Variants in MFHAS1 observed in about 807,000 individuals in gnomAD.
The protein encoded by MFHAS1 is multifunctional ROCO family signaling regulator 1, also known as malignant fibrous histiocytoma-amplified sequence 1.
A neutral mutation model predicts 70.4 loss-of-function variants in MFHAS1; 50 were observed. The ratio of observed to expected loss-of-function variants is 0.71; its 90% CI spans 0.57 to 0.90. The LOEUF (loss-of-function observed/expected upper bound fraction) is 0.90, where lower values mean the gene tolerates loss of function less well. Among genes scored for constraint, MFHAS1 ranks in the 40% least tolerant of loss-of-function variants. The pLI is 0.00. For synonymous variants in MFHAS1, 952 were observed against 620.0 expected (o/e 1.54, Z -7.96); for missense variants, 1,795 against 1,347.6 (o/e 1.33, Z -5.20).
chr8:8,868,218 A>G (rs894555400), intron 1 of MFHAS1, among the ~76,000 whole-genome samples: 8 of 151,994 alleles, frequency 5.3e-5, no homozygotes, highest in Non-Finnish European at 8.8e-5. Context: ...TCTAGAATCA[A>G]TGAATAAATA....
chr8:8,820,708 T>C (rs950949910), intron 1 of MFHAS1, among the ~76,000 whole-genome samples: 6 of 152,346 alleles, frequency 3.9e-5, no homozygotes, highest in Admixed American at 2.0e-4. Flanking sequence ...GCTCCCGCTC[T>C]GAGATTATCT....
At chr8:8,858,888 A>C (rs1357181888) in intron 1 of MFHAS1, among the ~76,000 whole-genome samples, 7 of 152,254 alleles carry the variant, frequency 4.6e-5, no homozygotes, top group African/African-American at 1.4e-4. Flanking sequence ...AAGCATTCTC[A>C]GTCAAAAAAG....
intron 1 of MFHAS1, among the ~76,000 whole-genome samples, chr8:8,861,426 A>T (rs1357352468): frequency 6.6e-6 from 1 of 152,228 alleles, no homozygotes; most frequent in Non-Finnish European, 1.5e-5. Context: ...GAAAATCTGG[A>T]TATATCTCCA....
chr8:8,890,473 T>C lies in MFHAS1; in HGVS notation c.2586A>G (p.Glu862=). 1 of 1,613,958 alleles carries C rather than the reference T, an allele frequency of 6.2e-7. No homozygotes were observed. The highest frequency in any genetic ancestry group is 8.5e-7 in the Non-Finnish European group (1 of 1,180,042). ...CTAGGTTGGTCCCATTAATCCAGGC[T>C]TCTGCATGGGGCACCTCGTTCTGCA... The part of the protein sequence containing the change: ...CYVQNEVPHA[E]AWINGTNLAG... Residue 862 remains glutamate (E), a synonymous_variant, in exon 1 of 3, where the codon GAA becomes GAG. Coordinates refer to ENST00000276282, the MANE Select transcript of MFHAS1 (RefSeq NM_004225.3).
chr8:8,804,499 C>A (rs922632213), intron 1 of MFHAS1, among the ~76,000 whole-genome samples: 1 of 152,216 alleles, frequency 6.6e-6, no homozygotes, highest in Admixed American at 6.5e-5. Context: ...TCACAGAGTA[C>A]AATCGGTAGG....
At chr8:8,807,225 C>T (rs1037963362) in intron 1 of MFHAS1, among the ~76,000 whole-genome samples, 2 of 152,112 alleles carry the variant, frequency 1.3e-5, no homozygotes, top group African/African-American at 4.8e-5. Flanking sequence ...CCAAAAGAAA[C>T]ATAAATGCTT....
At position 8,891,589 on chromosome 8, in the gene MFHAS1, G is replaced by A. The variant is rs372416316; in HGVS notation, c.1470C>T (p.Phe490=). 7 of 1,613,412 alleles carry A rather than the reference G, an allele frequency of 4.3e-6. No individual in the cohort carries two copies. The highest frequency in any genetic ancestry group is 5.1e-6 in the Non-Finnish European group (6 of 1,180,042). Residue 490 remains phenylalanine, a synonymous_variant, in exon 1 of 3, where the codon TTC becomes TTT. Transcript: ENST00000276282. The surrounding 1 kb of genome is among the most constrained non-coding windows in gnomAD (Gnocchi z 5.4). ...CGTATAGGGCCCCTGGGGACAGGAA[G>A]AAGGGCTGGATCACCTCATAACTTT... is the stretch of plus-strand genomic sequence containing the variant. ...GDESYEVIQP[F]FLSPGALYVL...
At chr8:8,877,416 C>A (rs1809339401) in intron 1 of MFHAS1, among the ~76,000 whole-genome samples, 2 of 149,908 alleles carry the variant, frequency 1.3e-5, no homozygotes, top group African/African-American at 4.9e-5. Flanking sequence ...TATAGTGAAA[C>A]TTAAACAGCC....
intron 1 of MFHAS1, among the ~76,000 whole-genome samples, chr8:8,860,665 C>T (rs1163607653): frequency 6.6e-6 from 1 of 152,168 alleles, no homozygotes; most frequent in African/African-American, 2.4e-5. Flanking sequence ...TAACATCACC[C>T]AGACCGCCTC....
At chr8:8,822,676 G>C (rs1286706928) in intron 1 of MFHAS1, among the ~76,000 whole-genome samples, 4 of 139,128 alleles carry the variant, frequency 2.9e-5, no homozygotes, top group Admixed American at 7.2e-5. Context: ...CTGAGACGGG[G>C]ACAGGGACCA....
At chr8:8,807,574 T>C (rs539475264) in intron 1 of MFHAS1, among the ~76,000 whole-genome samples, 2 of 152,344 alleles carry the variant, frequency 1.3e-5, no homozygotes, top group African/African-American at 4.8e-5. Flanking sequence ...CAGTTGATTT[T>C]CACTGAACCT....
chr8:8,829,664 G>C (rs148783851), intron 1 of MFHAS1, among the ~76,000 whole-genome samples: 2 of 152,236 alleles, frequency 1.3e-5, no homozygotes, highest in African/African-American at 2.4e-5. Flanking sequence ...CTGGGCGAAA[G>C]AGTGAGACTC....
intron 2 of MFHAS1, among the ~76,000 whole-genome samples, chr8:8,792,170 G>T (rs974619500): frequency 6.6e-6 from 1 of 151,516 alleles, no homozygotes; most frequent in Non-Finnish European, 1.5e-5. Flanking sequence ...CCAGGGGGCA[G>T]AGGTTGCAGT....
chr8:8,882,806 C>T (rs1563219341), intron 1 of MFHAS1, among the ~76,000 whole-genome samples: 1 of 152,032 alleles, frequency 6.6e-6, no homozygotes, highest in Non-Finnish European at 1.5e-5. Context: ...TGCCAGCCCC[C>T]AGAAGAAGGT....
chr8:8,788,537 G>C (rs931010170), intron 2 of MFHAS1, among the ~76,000 whole-genome samples: 4 of 152,180 alleles, frequency 2.6e-5, no homozygotes, highest in Non-Finnish European at 5.9e-5. Flanking sequence ...AAATTAGCCA[G>C]GCGTGGTGGT....
intron 1 of MFHAS1, among the ~76,000 whole-genome samples, chr8:8,852,430 C>A (rs538222915): frequency 2.6e-5 from 4 of 151,962 alleles, no homozygotes; most frequent in Admixed American, 2.0e-4. Flanking sequence ...ACTGAGATCA[C>A]GCCACTCCAG....
At position 8,893,559 on chromosome 8, in the gene MFHAS1, C is replaced by T. The variant is rs1810189006; in HGVS notation, c.-501G>A. On this transcript the variant is annotated 5_prime_UTR_variant, in exon 1 of 3. Coordinates refer to ENST00000276282, the MANE Select transcript of MFHAS1 (RefSeq NM_004225.3). ...GGGGGCGGCGGCGCCTCCTTGTCTC[C>T]GTTTCCCCGGGCTCGGGCGGGAGCG... is the stretch of plus-strand genomic sequence containing the variant. The T allele has an allele frequency of 6.1e-5, 9 of 146,658 alleles. No individual in the cohort carries two copies. The South Asian group carries it at 1.4e-3, about 24-fold the overall frequency. The allele number at this position is 146,658 out of a possible 1,614,324, so 9.1% of individuals were successfully genotyped here.
chr8:8,783,453 G>C lies in MFHAS1; in HGVS notation c.*2569C>G, dbSNP rs752651840. The C allele has an allele frequency of 3.9e-5, 6 of 152,076 alleles. No homozygotes were observed. The highest frequency in any genetic ancestry group is 1.3e-4 in the Admixed American group (2 of 15,256). The allele number at this position is 152,076 out of a possible 1,614,324, so 9.4% of individuals were successfully genotyped here. Reference sequence around the variant, plus strand: ...CCACAATTAAAATTCACAAACCATGGCATGAAAAACAACACGCACCCCATC... The same window carrying C: ...CCACAATTAAAATTCACAAACCATGCCATGAAAAACAACACGCACCCCATC... On this transcript the variant is annotated 3_prime_UTR_variant, in exon 3 of 3. Transcript: ENST00000276282.
chr8:8,862,256 T>G (rs1808695025), intron 1 of MFHAS1, among the ~76,000 whole-genome samples: 1 of 152,196 alleles, frequency 6.6e-6, no homozygotes, highest in Non-Finnish European at 1.5e-5. Flanking sequence ...TCCTAGTGGT[T>G]TAATTTACAT....
Sources: gnomAD v4.1 joint callset for allele counts (sites outside exome capture counted in the v4.1 genomes callset) on GRCh38, gnomAD v4.1.1 for gene constraint, Gnocchi (gnomAD v3.1) non-coding constraint, MANE v1.5 for transcripts, NCBI Gene and HGNC (gene_info 2026-07-23, HGNC 2026-07-21) for gene names.